The following PRTG variants were observed in gnomAD, a reference collection of about 807,000 sequenced individuals.
PRTG encodes the protein immunoglobulin superfamily, DCC subclass, member 5.
PRTG carries 67 observed loss-of-function variants against 122.5 expected under a neutral mutation model. The ratio of observed to expected loss-of-function variants is 0.55; its 90% CI spans 0.45 to 0.67. The LOEUF (loss-of-function observed/expected upper bound fraction) is 0.67. Ranked by LOEUF, PRTG falls within the 30% of genes least tolerant of loss-of-function variation. PRTG has a pLI of 0.00. For synonymous variants in PRTG, 554 were observed against 501.1 expected (o/e 1.11, Z -1.41); for missense variants, 1,435 against 1,415.4 (o/e 1.01, Z -0.22).
chr15:55,742,797 GC>G (rs2031656139), intron 1 of PRTG, 40 bp downstream of exon 1: 2 of 1,538,466 alleles, frequency 1.3e-6, no homozygotes, highest in East Asian at 2.5e-5. Flanking sequence ...GCCCGCTCCC[GC>G]CCCACAGCGG....
chr15:55,713,516 C>T (rs999937611), intron 2 of PRTG, among the ~76,000 whole-genome samples: 5 of 152,162 alleles, frequency 3.3e-5, no homozygotes, highest in African/African-American at 1.2e-4. Context: ...CAATTTTTCC[C>T]GATATTGCCA....
chr15:55,682,186 T>C (rs16976467), intron 4 of PRTG, among the ~76,000 whole-genome samples, 178 bp downstream of exon 4: 13,907 of 152,198 alleles, frequency 0.091, 699 homozygotes, highest in Non-Finnish European at 0.1. Context: ...TGACATAACA[T>C]AGAAAACTGG....
intron 11 of PRTG, among the ~76,000 whole-genome samples, chr15:55,645,262 C>T (rs1344065493): frequency 6.7e-6 from 1 of 149,092 alleles, no homozygotes; most frequent in Admixed American, 6.8e-5. Flanking sequence ...GGTGAAACCC[C>T]GTCTCTACTA....
chr15:55,654,008 A>T (rs2059367200), intron 11 of PRTG, among the ~76,000 whole-genome samples: 1 of 152,240 alleles, frequency 6.6e-6, no homozygotes. Flanking sequence ...AGAGTTGAAG[A>T]TTTCTACCTG....
chr15:55,675,763 A>C, intron 8 of PRTG, 80 bp from the exon 9 acceptor site: 1 of 798,000 alleles, frequency 1.3e-6, no homozygotes, highest in East Asian at 2.5e-5. Flanking sequence ...ACTGTGAAAC[A>C]CTGGTCCTTG....
At chr15:55,632,684 T>C (rs1276749702) in intron 15 of PRTG, among the ~76,000 whole-genome samples, 1 of 152,244 alleles carries the variant, frequency 6.6e-6, no homozygotes, top group Non-Finnish European at 1.5e-5. Context: ...AGGGTTATGT[T>C]TGAATGTCAT....
chr15:55,628,812 G>C lies in PRTG; in HGVS notation c.2806+10C>G. The C allele has an allele frequency of 6.2e-7, 1 of 1,605,088 alleles. No individual in the cohort carries two copies. Among genetic ancestry groups the C allele is most frequent in the Non-Finnish European group, 8.5e-7 (1 of 1,174,856 alleles). ...AAGAAAAATCACAGTGACTACGGCA[G>C]TATACAGACCTTTGGCATCAGCAGA... is the stretch of plus-strand genomic sequence containing the variant. On this transcript the variant is annotated intron_variant, in intron 16 of 19. Transcript: ENST00000389286.
intron 2 of PRTG, among the ~76,000 whole-genome samples, chr15:55,713,753 G>C (rs904185540): frequency 6.6e-6 from 1 of 151,670 alleles, no homozygotes; most frequent in Admixed American, 6.6e-5. Flanking sequence ...TAGGATGTTT[G>C]CTTCTTTTTC....
intron 2 of PRTG, among the ~76,000 whole-genome samples, chr15:55,737,298 C>CT (rs529766139): frequency 1.7e-4 from 26 of 152,282 alleles, no homozygotes; most frequent in African/African-American, 6.3e-4. Flanking sequence ...AAAGGATTAT[C>CT]TTTTTTTAAA....
chr15:55,630,187 C>T (rs532656473), intron 15 of PRTG, among the ~76,000 whole-genome samples: 45 of 152,052 alleles, frequency 3.0e-4, no homozygotes, highest in South Asian at 8.3e-4. Flanking sequence ...AGGGTTTCAC[C>T]GTGTTAGCCA....
chr15:55,719,929 G>T (rs7161967), intron 2 of PRTG, among the ~76,000 whole-genome samples: 18,914 of 151,550 alleles, frequency 0.12, 1,451 homozygotes, highest in East Asian at 0.35. Flanking sequence ...GGGCATGGTG[G>T]TGGGCGCCTG....
chr15:55,709,315 G>A (rs1020360688), intron 2 of PRTG, among the ~76,000 whole-genome samples: 8 of 146,498 alleles, frequency 5.5e-5, no homozygotes, highest in South Asian at 2.1e-4. Flanking sequence ...AGAAAGTGCT[G>A]ACAAGTTTTT....
Position 55,619,906 on chromosome 15 carries a change from C to G in PRTG, c.*106G>C, listed in dbSNP as rs937355493. 1 of 1,525,106 alleles carries G rather than the reference C, an allele frequency of 6.6e-7. No individual in the cohort carries two copies. Among genetic ancestry groups the G allele is most frequent in the Non-Finnish European group, 8.8e-7 (1 of 1,134,432 alleles). 94.5% of individuals were successfully genotyped at this position (1,525,106 alleles called of 1,614,324 possible). On this transcript the variant is annotated 3_prime_UTR_variant, in exon 20 of 20. Coordinates refer to ENST00000389286, the MANE Select transcript of PRTG (RefSeq NM_173814.6). ...TATCAAAGCATAGCATGGCAGATGG[C>G]GGCTGCAGAACTAAGGAGGAAGTCT...
At chr15:55,680,462 CTT>C (rs35467969) in intron 5 of PRTG, 27 bp downstream of exon 5, 1,065 of 1,216,532 alleles carry the variant, frequency 8.8e-4, no homozygotes, top group South Asian at 2.3e-3. Flanking sequence ...AAGGAAAAGA[CTT>C]TTTTTTTTTT....
At chr15:55,734,916 T>C (rs951858526) in intron 2 of PRTG, among the ~76,000 whole-genome samples, 2 of 152,188 alleles carry the variant, frequency 1.3e-5, no homozygotes, top group African/African-American at 4.8e-5. Flanking sequence ...TTTCTACCTT[T>C]TTTGTACACT....
chr15:55,728,370 A>G (rs1348642125), intron 2 of PRTG, among the ~76,000 whole-genome samples: 4 of 152,350 alleles, frequency 2.6e-5, no homozygotes, highest in East Asian at 1.9e-4. Flanking sequence ...GCAAACTGTT[A>G]GCAAACCAAG....
At chr15:55,659,608 T>C (rs1000061945) in intron 11 of PRTG, among the ~76,000 whole-genome samples, 2 of 152,136 alleles carry the variant, frequency 1.3e-5, no homozygotes, top group Non-Finnish European at 2.9e-5. Flanking sequence ...CTCTAGACTA[T>C]AAAGCTTCCT....
At chr15:55,647,103 A>G (rs2059328409) in intron 11 of PRTG, among the ~76,000 whole-genome samples, 1 of 152,132 alleles carries the variant, frequency 6.6e-6, no homozygotes, top group African/African-American at 2.4e-5. Context: ...AACATGGTGA[A>G]ACCCCATCTC....
At chr15:55,697,879 A>C (rs1242071729) in intron 2 of PRTG, among the ~76,000 whole-genome samples, 1 of 152,218 alleles carries the variant, frequency 6.6e-6, no homozygotes, top group Non-Finnish European at 1.5e-5. Context: ...TAATGCATGT[A>C]AAGTACTTAA....
Sources: gnomAD v4.1 joint callset for allele counts (sites outside exome capture counted in the v4.1 genomes callset) on GRCh38, gnomAD v4.1.1 for gene constraint, MANE v1.5 for transcripts, NCBI Gene and HGNC (gene_info 2026-07-23, HGNC 2026-07-21) for gene names.